The following FRY variants were observed in gnomAD, a reference collection of about 807,000 sequenced individuals.
FRY encodes the protein protein furry homolog.
Under a neutral mutation model 348.4 loss-of-function variants are expected in FRY, and 128 were observed. That is an observed-to-expected ratio of 0.37 (90% CI 0.32 to 0.43). The LOEUF is 0.43. Among genes scored for constraint, FRY ranks in the 20% least tolerant of loss-of-function variants. The pLI, the probability that FRY is intolerant of heterozygous loss-of-function variation, is 1.00. For synonymous variants in FRY, 1,370 were observed against 1,374.7 expected, an observed-to-expected ratio of 1.00 and a Z score of 0.08; for missense variants, 2,736 against 3,695.2, an observed-to-expected ratio of 0.74 and a Z score of 6.73.
At position 32,089,232 on chromosome 13, in the gene FRY, A is replaced by G. The variant is rs576841709; in HGVS notation, c.270+10199A>G. On this transcript the variant is annotated intron_variant, in intron 2 of 60. Coordinates refer to ENST00000542859, the MANE Select transcript of FRY (RefSeq NM_023037.3). ...TGCTAACAATAAGACTTGTTTTATT[A>G]GGTATTTTTACTGTTGCTTACATAC... Among the ~76,000 whole-genome samples, 5 of 152,328 alleles carry G rather than the reference A, an allele frequency of 3.3e-5. No individual in the cohort carries two copies. The South Asian group carries it at 8.3e-4, about 25-fold the overall frequency.
rs759980601 is a variant in FRY at position 32,294,362 on chromosome 13, A to T, written c.8581-6A>T. The T allele has an allele frequency of 4.4e-6, 7 of 1,592,540 alleles. No homozygotes were observed. Among genetic ancestry groups the T allele is most frequent in the African/African-American group, 1.3e-5 (1 of 74,524 alleles). On this transcript the variant is annotated splice_region_variant and splice_polypyrimidine_tract_variant and intron_variant, in intron 59 of 60. Coordinates refer to ENST00000542859, the MANE Select transcript of FRY (RefSeq NM_023037.3). ...TATAGTTTAAAAAACATTTTTTTTT[A>T]AATAGCTGCTGAATATGTCCAGGGA...
chr13:32,193,663 G>A (rs1473367055), intron 28 of FRY, among the ~76,000 whole-genome samples: 3 of 140,914 alleles, frequency 2.1e-5, no homozygotes, highest in African/African-American at 8.1e-5. Flanking sequence ...TCAGCTCACT[G>A]CAACCTCTGC....
chr13:32,217,921 G>A (rs1885091784), intron 35 of FRY, among the ~76,000 whole-genome samples: 1 of 152,152 alleles, frequency 6.6e-6, no homozygotes, highest in Non-Finnish European at 1.5e-5. Flanking sequence ...GGCCAGACCA[G>A]AGAGTCTTTC....
chr13:32,185,818 G>A (rs1460599989), intron 26 of FRY, among the ~76,000 whole-genome samples: 1 of 152,036 alleles, frequency 6.6e-6, no homozygotes, highest in Non-Finnish European at 1.5e-5. Context: ...CTCATCTTCA[G>A]CGACCCTAAA....
intron 11 of FRY, among the ~76,000 whole-genome samples, chr13:32,145,691 C>T (rs1880394945): frequency 6.6e-6 from 1 of 150,934 alleles, no homozygotes; most frequent in Non-Finnish European, 1.5e-5. Context: ...ACTACAGGCG[C>T]CCGCCACCGC....
At chr13:32,227,939 A>AC (rs1566149330) in intron 39 of FRY, among the ~76,000 whole-genome samples, 1 of 152,082 alleles carries the variant, frequency 6.6e-6, no homozygotes, top group African/African-American at 2.4e-5. Context: ...TTTGGTAGAG[A>AC]CAGGGTTTCA....
At position 32,090,216 on chromosome 13, in the gene FRY, T is replaced by C. The variant is rs566550104; in HGVS notation, c.270+11183T>C. Among the ~76,000 whole-genome samples, 32 of 151,086 alleles carry C rather than the reference T, an allele frequency of 2.1e-4. 1 individual carries two copies. Among genetic ancestry groups the C allele is most frequent in the Admixed American group, 5.9e-4 (9 of 15,200 alleles). ...ATTAAAAATTAGCCAGGCGTGGTGG[T>C]GGGCGCCTGTAGTCCCAGCTACTCG... On this transcript the variant is annotated intron_variant, in intron 2 of 60. Coordinates refer to ENST00000542859, the MANE Select transcript of FRY (RefSeq NM_023037.3).
intron 2 of FRY, among the ~76,000 whole-genome samples, chr13:32,101,070 A>G (rs1877134244): frequency 6.6e-6 from 1 of 152,154 alleles, no homozygotes. Flanking sequence ...TATTCTTCCT[A>G]TCTAAATGAA....
intron 1 of FRY, among the ~76,000 whole-genome samples, chr13:32,067,721 C>T (rs750963934): frequency 9.2e-5 from 14 of 152,142 alleles, no homozygotes; most frequent in Admixed American, 2.0e-4. Context: ...CAGGTAAGGA[C>T]GCTGAAGCCC....
At chr13:32,069,766 A>T (rs1874504232) in intron 1 of FRY, among the ~76,000 whole-genome samples, 1 of 152,202 alleles carries the variant, frequency 6.6e-6, no homozygotes, top group Admixed American at 6.5e-5. Context: ...CACAACGTGC[A>T]GGTTTGTTAC....
chr13:32,271,879 A>C (rs748349589), intron 55 of FRY, among the ~76,000 whole-genome samples: 2 of 152,164 alleles, frequency 1.3e-5, no homozygotes, highest in Non-Finnish European at 2.9e-5. Context: ...AAGTACTAAA[A>C]ATTAAAATGC....
intron 23 of FRY, among the ~76,000 whole-genome samples, chr13:32,182,504 T>C (rs1423851909): frequency 6.6e-6 from 1 of 152,218 alleles, no homozygotes. Flanking sequence ...AATGCAGCAC[T>C]GTGGTAATTG....
At chr13:32,165,661 G>A (rs1332860922) in intron 17 of FRY, among the ~76,000 whole-genome samples, 5 of 152,158 alleles carry the variant, frequency 3.3e-5, no homozygotes, top group Non-Finnish European at 5.9e-5. Context: ...CTAGTTCAAA[G>A]GAGGATGTTT....
rs1397941359 is a variant in FRY, at chr13:32,261,783, C to A, written c.7584C>A (p.Leu2528=). The A allele has an allele frequency of 1.2e-6, 2 of 1,614,194 alleles. No individual in the cohort carries two copies. The highest frequency in any genetic ancestry group is 3.3e-5 in the Admixed American group (2 of 60,020). Residue 2528 remains leucine (L), a synonymous_variant, in exon 52 of 61, where the codon CTC becomes CTA. Coordinates refer to ENST00000542859, the MANE Select transcript of FRY (RefSeq NM_023037.3). ...DSDESSEEED[L]TASQILEHSD... is the part of the protein sequence containing the mutation. ...ATGAATCATCCGAGGAGGAGGACCT[C>A]ACAGCCAGCCAGATCCTGGAGCACT... is the stretch of plus-strand genomic sequence containing the variant.
At chr13:32,292,729 T>C (rs2138658697) in intron 59 of FRY, among the ~76,000 whole-genome samples, 1 of 151,142 alleles carries the variant, frequency 6.6e-6, no homozygotes, top group Non-Finnish European at 1.5e-5. Flanking sequence ...GAGGAGGAGG[T>C]TGCAGTGAGC....
At chr13:32,215,570 A>G (rs920060097) in intron 35 of FRY, among the ~76,000 whole-genome samples, 1 of 152,216 alleles carries the variant, frequency 6.6e-6, no homozygotes, top group South Asian at 2.1e-4. Flanking sequence ...AAAAATCTTC[A>G]TAAGTTTTTG....
rs201934314 is a variant in FRY, at chr13:32,231,292, C to T, written c.5519C>T (p.Ser1840Phe). ...CACGTTGTATCTGTATTTAAAGATT[C>T]CAAATCAGGTACTTCATCTTATTTG... ...LRHVVSVFKD[S>F]KSGFHLEHQL... The change falls in exon 41 of 61, where the codon TCC becomes TTC. Residue 1840 changes from serine (S) to phenylalanine (F), a missense_variant. Transcript: ENST00000542859. 6.2e-7 allele frequency: 1 copy of T among 1,613,154 alleles called. No individual in the cohort carries two copies. Among genetic ancestry groups the T allele is most frequent in the African/African-American group, 1.3e-5 (1 of 74,892 alleles).
chr13:32,283,170 A>T (rs1224846974), intron 58 of FRY, among the ~76,000 whole-genome samples: 2 of 151,908 alleles, frequency 1.3e-5, no homozygotes, highest in Admixed American at 1.3e-4. Context: ...ACAACAACGA[A>T]AAAAACTTTC....
At chr13:32,101,930 A>T in intron 2 of FRY, 33 bp from the exon 3 acceptor site, 1 of 1,158,814 alleles carries the variant, frequency 8.6e-7, no homozygotes, top group Non-Finnish European at 1.3e-6. Flanking sequence ...AGACTCTAAT[A>T]ATTATTCTTG....
Sources: gnomAD v4.1 joint callset for allele counts (sites outside exome capture counted in the v4.1 genomes callset) on GRCh38, gnomAD v4.1.1 for gene constraint, MANE v1.5 for transcripts, NCBI Gene and HGNC (gene_info 2026-07-23, HGNC 2026-07-21) for gene names.